HHLA1: variants seen among roughly 807,000 people sequenced by gnomAD.
The protein encoded by HHLA1 is HERV-H LTR-associating protein 1.
HHLA1 carries 72 observed loss-of-function variants against 69.9 expected under a neutral mutation model. The ratio of observed to expected loss-of-function variants is 1.03; its 90% CI spans 0.85 to 1.25. HHLA1 has a LOEUF of 1.25. Among genes scored for constraint, HHLA1 ranks in the 50% most tolerant of loss-of-function variants. The pLI is 0.00. For synonymous variants in HHLA1, 252 were observed against 233.2 expected, an observed-to-expected ratio of 1.08 and a Z score of -0.73; for missense variants, 685 against 642.2, an observed-to-expected ratio of 1.07 and a Z score of -0.72.
intron 10 of HHLA1, among the ~76,000 whole-genome samples, chr8:132,082,115 C>T (rs554622954): frequency 7.4e-4 from 113 of 152,252 alleles, no homozygotes; most frequent in African/African-American, 2.7e-3. Flanking sequence ...GGAGGCCGGA[C>T]TGAAGTCCAG....
intron 7 of HHLA1, among the ~76,000 whole-genome samples, chr8:132,093,024 T>C (rs1823969204): frequency 6.6e-6 from 1 of 152,212 alleles, no homozygotes; most frequent in South Asian, 2.1e-4. Flanking sequence ...TAGGCTATTT[T>C]GGAGTCATTT....
intron 15 of HHLA1, among the ~76,000 whole-genome samples, chr8:132,068,412 A>G (rs931140463): frequency 2.0e-5 from 3 of 152,196 alleles, no homozygotes; most frequent in Admixed American, 6.5e-5. Flanking sequence ...CAATAGATAA[A>G]TGCCCCTGGT....
intron 16 of HHLA1, among the ~76,000 whole-genome samples, chr8:132,064,511 C>A: frequency 6.6e-6 from 1 of 152,106 alleles, no homozygotes; most frequent in Non-Finnish European, 1.5e-5. Flanking sequence ...GACCACCCCA[C>A]CCCCACTCCT....
intron 7 of HHLA1, among the ~76,000 whole-genome samples, chr8:132,093,387 G>A (rs1823974138): frequency 6.6e-6 from 1 of 151,796 alleles, no homozygotes; most frequent in South Asian, 2.1e-4. Flanking sequence ...GAAAAAAAAG[G>A]GAAAATATGC....
At position 132,093,994 on chromosome 8, in the gene HHLA1, A is replaced by G. The variant is rs561786797; in HGVS notation, c.448+1525T>C. ...TATTTTCACAATATTTGTTTTAGAA[A>G]TTCTACTCAGTGGGGGAAATAATCT... is the stretch of plus-strand genomic sequence containing the variant. On this transcript the variant is annotated intron_variant, in intron 7 of 16. Coordinates refer to ENST00000414222, the MANE Select transcript of HHLA1 (RefSeq NM_001145095.3). Among the ~76,000 whole-genome samples the G allele has an allele frequency of 6.6e-5, 10 of 152,328 alleles. No homozygotes were observed. In the East Asian group the frequency reaches 9.6e-4, roughly 15 times the overall value.
intron 4 of HHLA1, 24 bp downstream of exon 4, chr8:132,100,051 G>C: frequency 6.5e-7 from 1 of 1,545,272 alleles, no homozygotes; most frequent in Admixed American, 2.0e-5. Context: ...GACAACCCAA[G>C]GGATTTGGGG....
At chr8:132,080,304 C>T (rs1823727708) in intron 10 of HHLA1, 1 of 370,508 alleles carries the variant, frequency 2.7e-6, no homozygotes, top group South Asian at 2.1e-5. Flanking sequence ...GTTTATTTCA[C>T]CTGGGTGCAG....
rs553794372 is a variant in HHLA1 at position 132,094,357 on chromosome 8, C to T, written c.448+1162G>A. On this transcript the variant is annotated intron_variant, in intron 7 of 16. Coordinates refer to ENST00000414222, the MANE Select transcript of HHLA1 (RefSeq NM_001145095.3). ...AATCACAATGGCTTCCTTCTTATTC[C>T]GGGTGAAAATTAGAATCCTCGCAGC... Among the ~76,000 whole-genome samples, 8 of 152,262 alleles carry T rather than the reference C, an allele frequency of 5.3e-5. No homozygotes were observed. The South Asian group carries it at 1.5e-3, about 28-fold the overall frequency.
chr8:132,077,479 T>C (rs781564852), intron 12 of HHLA1, among the ~76,000 whole-genome samples: 2 of 151,212 alleles, frequency 1.3e-5, no homozygotes, highest in Non-Finnish European at 2.9e-5. Flanking sequence ...AGAGAAGAAA[T>C]TGGGGAGTGC....
At chr8:132,084,997 T>C (rs1823835490) in intron 10 of HHLA1, among the ~76,000 whole-genome samples, 1 of 149,904 alleles carries the variant, frequency 6.7e-6, no homozygotes, top group African/African-American at 2.5e-5. Flanking sequence ...GGAGAAGGGG[T>C]TGAGGGGTAT....
intron 10 of HHLA1, among the ~76,000 whole-genome samples, chr8:132,086,864 T>C (rs1351192172): frequency 5.3e-5 from 8 of 152,234 alleles, no homozygotes; most frequent in Non-Finnish European, 7.3e-5. Flanking sequence ...GCAGATTTAT[T>C]GTATCCTTCA....
At chr8:132,101,168 G>A in intron 3 of HHLA1, 1 of 1,537,134 alleles carries the variant, frequency 6.5e-7, no homozygotes, top group Non-Finnish European at 8.8e-7. Flanking sequence ...AAAACAACAA[G>A]CCACAGAGTC....
chr8:132,096,597 C>T (rs1027833346), intron 5 of HHLA1, among the ~76,000 whole-genome samples: 1 of 152,062 alleles, frequency 6.6e-6, no homozygotes, highest in Non-Finnish European at 1.5e-5. Flanking sequence ...CCATCAGTGC[C>T]TGTTCTTAGT....
At chr8:132,094,902 T>C (rs903263567) in intron 7 of HHLA1, among the ~76,000 whole-genome samples, 1 of 152,232 alleles carries the variant, frequency 6.6e-6, no homozygotes, top group Non-Finnish European at 1.5e-5. Context: ...TTGTCACTTT[T>C]ATTTTTCAGT....
chr8:132,100,476 G>T (rs1158277438), intron 3 of HHLA1, among the ~76,000 whole-genome samples: 1 of 152,118 alleles, frequency 6.6e-6, no homozygotes, highest in Non-Finnish European at 1.5e-5. Flanking sequence ...TGGTAATAAA[G>T]GGTTCAGAAC....
chr8:132,068,798 G>A (rs1282703442), intron 15 of HHLA1, among the ~76,000 whole-genome samples: 1 of 152,216 alleles, frequency 6.6e-6, no homozygotes, highest in Non-Finnish European at 1.5e-5. Flanking sequence ...ACCAGGGACT[G>A]TGGCTTTGTT....
chr8:132,086,343 T>C (rs1823862604), intron 10 of HHLA1, among the ~76,000 whole-genome samples: 1 of 152,150 alleles, frequency 6.6e-6, no homozygotes, highest in South Asian at 2.1e-4. Flanking sequence ...GCATGTAGAA[T>C]GTGAACTGTC....
Position 132,071,414 on chromosome 8 carries a change from G to T in HHLA1, c.1395C>A (p.Cys465Ter). 6.4e-7 allele frequency: 1 copy of T among 1,551,660 alleles called. No individual in the cohort carries two copies. Among genetic ancestry groups the T allele is most frequent in the Non-Finnish European group, 8.7e-7 (1 of 1,146,942 alleles). The change falls in exon 15 of 17, where the codon TGC becomes TGA. Residue 465 changes from cysteine to a stop codon, truncating the protein, a stop_gained. Transcript: ENST00000414222. LOFTEE classifies it high-confidence loss of function. The stretch of plus-strand genomic sequence containing the variant: ...GGAAGAATTGGCACAGCTCCATCAG[G>T]CATGGGTTGAGCCTCTGAATAGCCA... ...LTLAIQRLNP[C>*]LMELCQFFQQ...
At chr8:132,104,658 G>T (rs1208347191) in intron 2 of HHLA1, among the ~76,000 whole-genome samples, 1 of 152,174 alleles carries the variant, frequency 6.6e-6, no homozygotes, top group Non-Finnish European at 1.5e-5. Context: ...TGGAAAGAAG[G>T]CCAACAGTGA....
Sources: gnomAD v4.1 joint callset for allele counts (sites outside exome capture counted in the v4.1 genomes callset) on GRCh38, gnomAD v4.1.1 for gene constraint, MANE v1.5 for transcripts, NCBI Gene and HGNC (gene_info 2026-07-23, HGNC 2026-07-21) for gene names.